The following CXCL13 variants were observed in gnomAD, a reference collection of about 807,000 sequenced individuals.
CXCL13 encodes the protein C-X-C motif chemokine 13.
Under a neutral mutation model 12.2 loss-of-function variants are expected in CXCL13, and 7 were observed. The observed-to-expected ratio is 0.57, with a 90% CI of 0.33 to 1.07. The LOEUF (loss-of-function observed/expected upper bound fraction) is 1.07, where lower values mean the gene tolerates loss of function less well. Ranked by LOEUF, CXCL13 falls within the 50% of genes least tolerant of loss-of-function variation. The pLI, the probability that CXCL13 is intolerant of heterozygous loss-of-function variation, is 0.04. For synonymous variants in CXCL13, 47 were observed against 42.4 expected (o/e 1.11, Z -0.42); for missense variants, 113 against 127.4 (o/e 0.89, Z 0.55).
intron 1 of CXCL13, among the ~76,000 whole-genome samples, chr4:77,521,010 G>T (rs1055385367): frequency 5.3e-5 from 8 of 152,166 alleles, no homozygotes; most frequent in African/African-American, 1.7e-4. Context: ...TGTATGTGAT[G>T]GATTATGTTT....
At chr4:77,579,277 C>G (rs901900266) in intron 1 of CXCL13, among the ~76,000 whole-genome samples, 2 of 152,188 alleles carry the variant, frequency 1.3e-5, no homozygotes, top group Admixed American at 1.3e-4. Context: ...TGCTTTCCCC[C>G]CAACCCCCAG....
chr4:77,576,580 A>G (rs6848170), intron 1 of CXCL13, among the ~76,000 whole-genome samples: 3 of 152,136 alleles, frequency 2.0e-5, no homozygotes, highest in African/African-American at 4.8e-5. Context: ...TAAGTGAAAA[A>G]TGTCACTTTC....
chr4:77,550,324 C>T (rs958446484), intron 1 of CXCL13, among the ~76,000 whole-genome samples: 1 of 152,180 alleles, frequency 6.6e-6, no homozygotes, highest in Non-Finnish European at 1.5e-5. Context: ...CACCCTGCTT[C>T]ATCTTACACT....
chr4:77,569,842 C>T (rs1726025435), intron 1 of CXCL13, among the ~76,000 whole-genome samples: 3 of 152,018 alleles, frequency 2.0e-5, no homozygotes, highest in Non-Finnish European at 2.9e-5. Context: ...AGTGAAAAAA[C>T]CTGGAGGCAT....
intron 1 of CXCL13, among the ~76,000 whole-genome samples, chr4:77,568,777 T>C (rs1012501650): frequency 2.6e-5 from 4 of 152,202 alleles, no homozygotes; most frequent in African/African-American, 7.2e-5. Flanking sequence ...GTGTTTGGCA[T>C]TGGCATTCTC....
chr4:77,519,131 C>T (rs1578032607), intron 1 of CXCL13, among the ~76,000 whole-genome samples: 1 of 152,180 alleles, frequency 6.6e-6, no homozygotes. Context: ...GTGAATGCTG[C>T]TGTCTGATCG....
At chr4:77,582,858 T>A (rs1279569632) in intron 1 of CXCL13, among the ~76,000 whole-genome samples, 1 of 152,182 alleles carries the variant, frequency 6.6e-6, no homozygotes, top group East Asian at 1.9e-4. Flanking sequence ...TTCCAACATA[T>A]GTAGACAATG....
At chr4:77,520,336 C>T (rs926654099) in intron 1 of CXCL13, among the ~76,000 whole-genome samples, 2 of 152,150 alleles carry the variant, frequency 1.3e-5, no homozygotes, top group African/African-American at 2.4e-5. Flanking sequence ...ATTGATTCTT[C>T]CTACCCATGA....
upstream of CXCL13, among the ~76,000 whole-genome samples, chr4:77,603,251 GA>G (rs1362802812): frequency 6.6e-6 from 1 of 152,142 alleles, no homozygotes; most frequent in African/African-American, 2.4e-5. Flanking sequence ...ACAAAAGAGT[GA>G]AATGAATTAG....
At chr4:77,514,467 G>A (rs1724358764) in intron 1 of CXCL13, among the ~76,000 whole-genome samples, 1 of 143,870 alleles carries the variant, frequency 7.0e-6, no homozygotes, top group Non-Finnish European at 1.5e-5. Flanking sequence ...TCCAGCACCT[G>A]TTGTTTCCTG....
intron 1 of CXCL13, among the ~76,000 whole-genome samples, chr4:77,538,735 G>T (rs754441831): frequency 6.6e-6 from 1 of 152,070 alleles, no homozygotes; most frequent in Non-Finnish European, 1.5e-5. Flanking sequence ...CTGGGGGAGG[G>T]GATAATCAGG....
intron 1 of CXCL13, among the ~76,000 whole-genome samples, chr4:77,531,468 A>G (rs926915921): frequency 6.6e-6 from 1 of 151,868 alleles, no homozygotes; most frequent in Non-Finnish European, 1.5e-5. Context: ...ACTTCCAACT[A>G]TATGCTCAAT....
chr4:77,530,845 T>C (rs1292932024), intron 1 of CXCL13, among the ~76,000 whole-genome samples: 1 of 152,116 alleles, frequency 6.6e-6, no homozygotes, highest in Non-Finnish European at 1.5e-5. Flanking sequence ...CTTGCTTCTC[T>C]AGTTCTTTTA....
chr4:77,535,633 A>G (rs1382051034), intron 1 of CXCL13, among the ~76,000 whole-genome samples: 2 of 152,172 alleles, frequency 1.3e-5, no homozygotes, highest in African/African-American at 4.8e-5. Context: ...GATACTCACT[A>G]TTGGAACCCA....
chr4:77,536,328 T>C (rs1725058541), intron 1 of CXCL13, among the ~76,000 whole-genome samples: 1 of 152,194 alleles, frequency 6.6e-6, no homozygotes, highest in Non-Finnish European at 1.5e-5. Flanking sequence ...TTCAGATAAA[T>C]CTGTGAAATG....
intron 1 of CXCL13, among the ~76,000 whole-genome samples, chr4:77,521,186 G>A (rs530148820): frequency 6.6e-6 from 1 of 152,150 alleles, no homozygotes; most frequent in East Asian, 1.9e-4. Flanking sequence ...CTCTTTTTTT[G>A]TTGTGTCTCT....
In CXCL13 at chr4:77,544,715, T is replaced by C. The variant is rs558182359; in HGVS notation, c.-43+32927T>C. Reference sequence around the variant, plus strand: ...GTAGGTTGCCTGTTCACTCTGATGGTAGTTTCTTTTGCTGTTCAGAAGCTC... The same window carrying C: ...GTAGGTTGCCTGTTCACTCTGATGGCAGTTTCTTTTGCTGTTCAGAAGCTC... On this transcript the variant is annotated intron_variant, in intron 1 of 4. Transcript: ENST00000286758. 1.1e-3 allele frequency among the ~76,000 whole-genome samples: 174 copies of C among 152,364 alleles called. 1 individual carries two copies. Among genetic ancestry groups the C allele is most frequent in the African/African-American group, 3.7e-3 (152 of 41,596 alleles).
chr4:77,543,865 T>C (rs1725281133), intron 1 of CXCL13, among the ~76,000 whole-genome samples: 1 of 152,170 alleles, frequency 6.6e-6, no homozygotes, highest in Non-Finnish European at 1.5e-5. Flanking sequence ...GTCATTTACA[T>C]TAGGTATTTC....
chr4:77,588,961 C>T (rs991433927), intron 1 of CXCL13, among the ~76,000 whole-genome samples: 1 of 152,174 alleles, frequency 6.6e-6, no homozygotes, highest in African/African-American at 2.4e-5. Context: ...AAGCAGTTTC[C>T]TCTTAGCCAC....
Sources: allele counts gnomAD v4.1 joint callset (sites outside exome capture counted in the v4.1 genomes callset), GRCh38; gene constraint gnomAD v4.1.1; transcripts MANE v1.5; gene names NCBI Gene and HGNC (gene_info 2026-07-23, HGNC 2026-07-21).